Variants in TAFA4 observed in about 807,000 individuals in gnomAD.
The protein encoded by TAFA4 is chemokine-like protein TAFA-4.
In TAFA4, 20 loss-of-function variants were observed where a neutral mutation model predicts 21.1. That is an observed-to-expected ratio of 0.95 (90% confidence interval 0.67 to 1.38). The LOEUF (loss-of-function observed/expected upper bound fraction) is 1.38, where lower values mean the gene tolerates loss of function less well. Ranked by LOEUF, TAFA4 falls within the 40% of genes most tolerant of loss-of-function variation. The pLI, the probability that TAFA4 is intolerant of heterozygous loss-of-function variation, is 0.00. For missense variants in TAFA4, 211 were observed against 180.9 expected, an observed-to-expected ratio of 1.17 and a Z score of -0.95; for synonymous variants, 71 against 67.4, an observed-to-expected ratio of 1.05 and a Z score of -0.26.
At chr3:68,927,893 C>CAAAAAAAAAAAAAAAAA (rs1209770129) in intron 1 of TAFA4, among the ~76,000 whole-genome samples, 2 of 123,508 alleles carry the variant, frequency 1.6e-5, no homozygotes, top group African/African-American at 5.8e-5. Context: ...GACACCATCT[C>CAAAAAAAAAAAAAAAAA]AAAAAAAAAA....
At chr3:68,875,368 C>T (rs1451876975) in intron 3 of TAFA4, among the ~76,000 whole-genome samples, 1 of 152,046 alleles carries the variant, frequency 6.6e-6, no homozygotes, top group African/African-American at 2.4e-5. Context: ...CTGCAGTGGG[C>T]CCTCTGTGTT....
chr3:68,751,299 C>T (rs1352262752), intron 4 of TAFA4, among the ~76,000 whole-genome samples: 1 of 152,036 alleles, frequency 6.6e-6, no homozygotes, highest in Non-Finnish European at 1.5e-5. Context: ...ATGGGAGTGA[C>T]ATAATCCATT....
chr3:68,776,151 C>T (rs1257943260), intron 3 of TAFA4, among the ~76,000 whole-genome samples: 1 of 151,962 alleles, frequency 6.6e-6, no homozygotes, highest in Non-Finnish European at 1.5e-5. Context: ...AAAAAATAAG[C>T]CGGTAGACTC....
intron 3 of TAFA4, among the ~76,000 whole-genome samples, chr3:68,785,875 A>G (rs570847503): frequency 1.3e-5 from 2 of 152,358 alleles, no homozygotes; most frequent in African/African-American, 4.8e-5. Flanking sequence ...TCTAAATGTT[A>G]AATGCACACC....
intron 4 of TAFA4, among the ~76,000 whole-genome samples, chr3:68,748,780 CAAA>C (rs34290468): frequency 6.6e-6 from 1 of 151,266 alleles, no homozygotes; most frequent in Non-Finnish European, 1.5e-5. Flanking sequence ...ATTGGGGCAT[CAAA>C]AAATTTTTTA....
At chr3:68,799,505 G>A (rs1461160768) in intron 3 of TAFA4, among the ~76,000 whole-genome samples, 2 of 152,152 alleles carry the variant, frequency 1.3e-5, no homozygotes. Context: ...CAAACATTCA[G>A]ACCATAGCAC....
intron 3 of TAFA4, among the ~76,000 whole-genome samples, chr3:68,879,547 T>G (rs528982464): frequency 3.3e-5 from 5 of 152,142 alleles, no homozygotes; most frequent in African/African-American, 1.2e-4. Context: ...CTCATAAAAA[T>G]AGGCACAGCA....
chr3:68,890,303 T>A (rs954400467), intron 1 of TAFA4, among the ~76,000 whole-genome samples: 5 of 152,192 alleles, frequency 3.3e-5, no homozygotes, highest in African/African-American at 9.6e-5. Context: ...TTTGTACTCT[T>A]CTATGAACTT....
Position 68,824,171 on chromosome 3 carries a change from CT to C in TAFA4, c.130+56558del, listed in dbSNP as rs566362464. Among the ~76,000 whole-genome samples the C allele has an allele frequency of 5.3e-4, 81 of 152,252 alleles. 1 individual carries two copies. Among genetic ancestry groups the C allele is most frequent in the African/African-American group, 1.8e-3 (74 of 41,554 alleles). ...CGACAACATAGATCATTTGTGAATA[CT>C]TCCTATAATTTTTTCTATTACTGCT... On this transcript the variant is annotated intron_variant, in intron 3 of 5. Transcript: ENST00000295569.
chr3:68,929,493 T>G (rs1398179006), intron 1 of TAFA4, among the ~76,000 whole-genome samples: 1 of 152,264 alleles, frequency 6.6e-6, no homozygotes, highest in East Asian at 1.9e-4. Flanking sequence ...GTCATCTTGC[T>G]AATCCTGAGT....
intron 3 of TAFA4, among the ~76,000 whole-genome samples, chr3:68,851,754 G>A (rs375714099): frequency 4.6e-5 from 7 of 152,238 alleles, no homozygotes; most frequent in South Asian, 4.1e-4. Context: ...TATAGTAGGC[G>A]GGAAAGAATC....
At chr3:68,787,113 G>A (rs1184524531) in intron 3 of TAFA4, among the ~76,000 whole-genome samples, 1 of 152,166 alleles carries the variant, frequency 6.6e-6, no homozygotes, top group Non-Finnish European at 1.5e-5. Flanking sequence ...CATAATTAAA[G>A]AAGAGTCAGT....
intron 3 of TAFA4, among the ~76,000 whole-genome samples, chr3:68,773,017 G>A (rs1225708458): frequency 1.3e-5 from 2 of 152,124 alleles, no homozygotes; most frequent in Non-Finnish European, 2.9e-5. Context: ...ATATGAGAGA[G>A]CATCTATTAA....
At chr3:68,869,826 T>C (rs891803482) in intron 3 of TAFA4, among the ~76,000 whole-genome samples, 1 of 151,946 alleles carries the variant, frequency 6.6e-6, no homozygotes, top group South Asian at 2.1e-4. Flanking sequence ...ATTTACCACT[T>C]TTTTTCAACA....
chr3:68,885,302 T>C lies in TAFA4; in HGVS notation c.-114A>G. Reference sequence around the variant, plus strand: ...TGCCGTTCCAAAAAATTATCGTAGCTCAGAAGACCTATGTTAAAAAGGCCA... The same window carrying C: ...TGCCGTTCCAAAAAATTATCGTAGCCCAGAAGACCTATGTTAAAAAGGCCA... On this transcript the variant is annotated 5_prime_UTR_variant, in exon 2 of 6. Coordinates refer to ENST00000295569, the MANE Select transcript of TAFA4 (RefSeq NM_182522.5). The C allele has an allele frequency of 2.3e-6, 2 of 873,820 alleles. No homozygotes were observed. Among genetic ancestry groups the C allele is most frequent in the Admixed American group, 2.6e-5 (1 of 37,736 alleles). The allele number at this position is 873,820 out of a possible 1,614,324, so 54.1% of individuals were successfully genotyped here. A position where few individuals can be genotyped will look rare whatever the true frequency, so the allele number is the denominator to read the frequency against.
At position 68,740,016 on chromosome 3, in the gene TAFA4, A is replaced by G. The variant is rs1021514320; in HGVS notation, c.287-817T>C. Among the ~76,000 whole-genome samples, 5 of 152,200 alleles carry G rather than the reference A, an allele frequency of 3.3e-5. No homozygotes were observed. In the East Asian group the frequency reaches 7.7e-4, roughly 23 times the overall value. ...GATCACTTTTGCAGTGGACTGCCCA[A>G]TTGTAAAATATAGCTGGTGAGATCT... On this transcript the variant is annotated intron_variant, in intron 4 of 5. Coordinates refer to ENST00000295569, the MANE Select transcript of TAFA4 (RefSeq NM_182522.5).
At chr3:68,769,298 C>T (rs770521352) in intron 3 of TAFA4, among the ~76,000 whole-genome samples, 1 of 152,174 alleles carries the variant, frequency 6.6e-6, no homozygotes, top group East Asian at 1.9e-4. Context: ...AAAACAAGCT[C>T]AGGGCTCTCA....
At position 68,764,717 on chromosome 3, in the gene TAFA4, G is replaced by T. The variant is rs112285444; in HGVS notation, c.131-11699C>A. On this transcript the variant is annotated intron_variant, in intron 3 of 5. Coordinates refer to ENST00000295569, the MANE Select transcript of TAFA4 (RefSeq NM_182522.5). ...TTTGTCTGGCTCTGGTTTTACTATT[G>T]CCTAGTGCTTGTAAAGGTTTCAAAC... Among the ~76,000 whole-genome samples, 567 of 152,212 alleles carry T rather than the reference G, an allele frequency of 3.7e-3. 3 individuals carry two copies. The highest frequency in any genetic ancestry group is 0.013 in the African/African-American group (535 of 41,530).
Position 68,835,138 on chromosome 3 carries a change from C to T in TAFA4, c.130+45592G>A, listed in dbSNP as rs112325556. On this transcript the variant is annotated intron_variant, in intron 3 of 5. Coordinates refer to ENST00000295569, the MANE Select transcript of TAFA4 (RefSeq NM_182522.5). ...TGTGTCCACCACCTGGAACACCTGGCCCCCAGTTATCTTTAGTCTTTATCC... is the reference window on the plus strand; with the variant it reads ...TGTGTCCACCACCTGGAACACCTGGTCCCCAGTTATCTTTAGTCTTTATCC... Among the ~76,000 whole-genome samples, 221 of 152,224 alleles carry T rather than the reference C, an allele frequency of 1.5e-3. 2 individuals carry two copies. Among genetic ancestry groups the T allele is most frequent in the African/African-American group, 4.9e-3 (204 of 41,548 alleles).
Sources: gnomAD v4.1 joint callset for allele counts (sites outside exome capture counted in the v4.1 genomes callset) on GRCh38, gnomAD v4.1.1 for gene constraint, MANE v1.5 for transcripts, NCBI Gene and HGNC (gene_info 2026-07-23, HGNC 2026-07-21) for gene names.